The following PCNX2 variants were observed in gnomAD, a reference collection of about 807,000 sequenced individuals.
PCNX2 encodes the protein pecanex-like protein 2.
In PCNX2, 168 loss-of-function variants were observed where a neutral mutation model predicts 223.8. The observed-to-expected ratio is 0.75, with a 90% CI of 0.66 to 0.85. PCNX2 has a LOEUF of 0.85. PCNX2 is among the 40% of genes least tolerant of loss of function. PCNX2 has a pLI of 0.00. For missense variants in PCNX2, 2,507 were observed against 2,675.5 expected, an observed-to-expected ratio of 0.94 and a Z score of 1.39; for synonymous variants, 1,006 against 1,052.6, an observed-to-expected ratio of 0.96 and a Z score of 0.86.
At position 233,161,333 on chromosome 1, in the gene PCNX2, A is replaced by T. The variant is rs999322161; in HGVS notation, c.3304T>A (p.Cys1102Ser). 1.2e-6 allele frequency: 2 copies of T among 1,613,824 alleles called. No individual in the cohort carries two copies. Among genetic ancestry groups the T allele is most frequent in the African/African-American group, 2.7e-5 (2 of 74,924 alleles). The change falls in exon 18 of 34, where the codon TGC becomes AGC. Residue 1102 changes from cysteine to serine, a missense_variant. Around this residue, in one of 3 missense-constraint regions of PCNX2, gnomAD observed 1,372 missense variants for 1,509.4 expected, o/e 0.91. Transcript: ENST00000258229. ...TDVLKWDLIV[C>S]AVVAVLSFAV... ...AATGAGAGGACAGCAACCACTGCGC[A>T]GACGATGAGATCCCATTTTAAGACA...
At chr1:233,195,664 GAA>G (rs1680685162) in intron 15 of PCNX2, among the ~76,000 whole-genome samples, 1 of 152,110 alleles carries the variant, frequency 6.6e-6, no homozygotes, top group Non-Finnish European at 1.5e-5. Context: ...CTTAACAATT[GAA>G]AATTTAAATT....
rs759196795 is a variant in PCNX2, at chr1:233,000,288, A to C, written c.5328+17T>G. 6.2e-7 allele frequency: 1 copy of C among 1,612,552 alleles called. No homozygotes were observed. The highest frequency in any genetic ancestry group is 1.1e-5 in the South Asian group (1 of 91,008). ...GACACGAGCCAACAGGGGACCCAGA[A>C]AGTGTGGCCGCCATACCTTGATCAC... On this transcript the variant is annotated intron_variant, in intron 30 of 33. Transcript: ENST00000258229. This position sits in a 1 kb window ranked among gnomAD's most constrained non-coding sequence, Gnocchi z 4.6.
chr1:233,167,109 G>C (rs1678844254), intron 17 of PCNX2, among the ~76,000 whole-genome samples: 1 of 152,174 alleles, frequency 6.6e-6, no homozygotes, highest in Non-Finnish European at 1.5e-5. Flanking sequence ...TTGCAGCACT[G>C]TTCACAATAG....
chr1:233,304,013 C>T, the PCNX2 span, among the ~76,000 whole-genome samples: 673 of 152,238 alleles, frequency 4.4e-3, 4 homozygotes, highest in African/African-American at 0.015. Context: ...AATCATATCA[C>T]GATTTTGAGT....
chr1:233,192,281 C>G (rs2102880492), intron 15 of PCNX2, among the ~76,000 whole-genome samples: 1 of 152,288 alleles, frequency 6.6e-6, no homozygotes, highest in South Asian at 2.1e-4. Context: ...TTTGCGGTAG[C>G]TGTGAGTTAC....
chr1:233,161,361 C>T lies in PCNX2; in HGVS notation c.3276G>A (p.Thr1092=), dbSNP rs146305724. 1.7e-3 allele frequency: 2,674 copies of T among 1,613,464 alleles called. 2 individuals are homozygous for T. Among genetic ancestry groups the T allele is most frequent in the Non-Finnish European group, 2.1e-3 (2,488 of 1,179,632 alleles). Reference sequence around the variant, plus strand: ...CGATGAGATCCCATTTTAAGACATCCGTCTGGAAAGAGAAAACCAGCGGTA... The same window carrying T: ...CGATGAGATCCCATTTTAAGACATCTGTCTGGAAAGAGAAAACCAGCGGTA... The part of the protein sequence containing the change: ...PLPKKMKDSV[T]DVLKWDLIVC... Residue 1092 remains threonine, a splice_region_variant and synonymous_variant, in exon 18 of 34, where the codon ACG becomes ACA. Coordinates refer to ENST00000258229, the MANE Select transcript of PCNX2 (RefSeq NM_014801.4).
intron 17 of PCNX2, among the ~76,000 whole-genome samples, chr1:233,162,065 C>T (rs1395115238): frequency 2.6e-5 from 4 of 151,210 alleles, no homozygotes; most frequent in African/African-American, 9.7e-5. Flanking sequence ...TACATGCAGA[C>T]AATGAAATGT....
rs1368826693 is a variant in PCNX2, at chr1:233,144,967, TTTC to T, written c.3518-5115_3518-5113del. Among the ~76,000 whole-genome samples the T allele has an allele frequency of 9.4e-4, 109 of 115,714 alleles. 1 individual carries two copies. The highest frequency in any genetic ancestry group is 5.1e-3 in the African/African-American group (86 of 16,846). 75.9% of individuals were successfully genotyped at this position (115,714 alleles called of 152,430 possible). ...GTTGTTGTTTTGTTTTTTTTTTTTG[TTTC>T]TTTTTTTTTTTTGAGATGGAGTCTT... is the stretch of plus-strand genomic sequence containing the variant. On this transcript the variant is annotated intron_variant, in intron 19 of 33. Coordinates refer to ENST00000258229, the MANE Select transcript of PCNX2 (RefSeq NM_014801.4).
At chr1:233,123,272 T>G (rs1675908844) in intron 21 of PCNX2, among the ~76,000 whole-genome samples, 1 of 152,140 alleles carries the variant, frequency 6.6e-6, no homozygotes, top group Non-Finnish European at 1.5e-5. Flanking sequence ...CTAGAATTAT[T>G]CCAAAATACA....
intron 13 of PCNX2, among the ~76,000 whole-genome samples, chr1:233,202,835 G>T (rs1681202949): frequency 6.6e-6 from 1 of 152,122 alleles, no homozygotes; most frequent in South Asian, 2.1e-4. Flanking sequence ...CAGAGCAGAG[G>T]CCATTTGATA....
At chr1:233,165,602 A>C (rs1678746454) in intron 17 of PCNX2, among the ~76,000 whole-genome samples, 1 of 152,222 alleles carries the variant, frequency 6.6e-6, no homozygotes, top group Non-Finnish European at 1.5e-5. Flanking sequence ...CTTAATTTAA[A>C]GTACTATTTA....
the PCNX2 span, among the ~76,000 whole-genome samples, chr1:233,321,574 AG>A: frequency 6.6e-6 from 1 of 152,222 alleles, no homozygotes; most frequent in Non-Finnish European, 1.5e-5. Context: ...CTGGGATTAT[AG>A]GCATGAGCCA....
At chr1:233,109,326 G>C (rs1674982975) in intron 21 of PCNX2, among the ~76,000 whole-genome samples, 2 of 152,188 alleles carry the variant, frequency 1.3e-5, no homozygotes. Flanking sequence ...AGAAGATAAA[G>C]CCGTAATCAA....
rs1487519393 is a variant in PCNX2, at chr1:233,071,015, G to A, written c.4077-13725C>T. Among the ~76,000 whole-genome samples the A allele has an allele frequency of 4.6e-5, 7 of 152,216 alleles. No individual in the cohort carries two copies. The South Asian group carries it at 1.0e-3, about 23-fold the overall frequency. ...CATGCCACTGCACTCCAGCCTGGGC[G>A]ACAGAGCAAGACTCCGTCACAAAAA... On this transcript the variant is annotated intron_variant, in intron 23 of 33. Coordinates refer to ENST00000258229, the MANE Select transcript of PCNX2 (RefSeq NM_014801.4).
intron 21 of PCNX2, chr1:233,134,756 A>C: frequency 1.8e-6 from 1 of 540,618 alleles, no homozygotes; most frequent in Non-Finnish European, 3.2e-6. Context: ...GTTAACAGAG[A>C]AGAAGGTAAT....
At chr1:233,285,004 C>A in intron 1 of PCNX2, 1 of 985,256 alleles carries the variant, frequency 1.0e-6, no homozygotes, top group Non-Finnish European at 1.2e-6. Context: ...TGAGCAGGAC[C>A]CCCTGCTAAC....
At chr1:233,320,367 GTGTGTA>G in the PCNX2 span, among the ~76,000 whole-genome samples, 2 of 152,084 alleles carry the variant, frequency 1.3e-5, no homozygotes, top group Non-Finnish European at 2.9e-5. Flanking sequence ...GTGTGTGTGT[GTGTGTA>G]TATTTAGTTC....
chr1:233,161,429 T>A, intron 17 of PCNX2, 66 bp from the exon 18 acceptor site: 1 of 1,373,050 alleles, frequency 7.3e-7, no homozygotes, highest in Non-Finnish European at 1.0e-6. Context: ...TGTAACCAGG[T>A]AAATCAAGCA....
chr1:233,165,391 T>A (rs1393732959), intron 17 of PCNX2, among the ~76,000 whole-genome samples: 1 of 152,156 alleles, frequency 6.6e-6, no homozygotes, highest in Non-Finnish European at 1.5e-5. Context: ...TGCCATTTGG[T>A]GGCTAGAGAC....
Sources: allele counts gnomAD v4.1 joint callset (sites outside exome capture counted in the v4.1 genomes callset), GRCh38; gene constraint gnomAD v4.1.1; regional missense constraint gnomAD v4.1.1; non-coding constraint Gnocchi (gnomAD v3.1); transcripts MANE v1.5; gene names NCBI Gene and HGNC (gene_info 2026-07-23, HGNC 2026-07-21).